TMEM132C: variants seen among roughly 807,000 people sequenced by gnomAD.
The protein encoded by TMEM132C is protein phosphatase 1, regulatory subunit 152.
TMEM132C carries 29 observed loss-of-function variants against 61.4 expected under a neutral mutation model. The ratio of observed to expected loss-of-function variants is 0.47; its 90% confidence interval spans 0.35 to 0.64. TMEM132C has a LOEUF of 0.64. Among genes scored for constraint, TMEM132C ranks in the 30% least tolerant of loss-of-function variants. The pLI is 0.00. For synonymous variants in TMEM132C, 656 were observed against 633.1 expected, an observed-to-expected ratio of 1.04 and a Z score of -0.54; for missense variants, 1,408 against 1,476.9, an observed-to-expected ratio of 0.95 and a Z score of 0.76.
At chr12:128,341,115 ATTT>A (rs577838903) in intron 1 of TMEM132C, among the ~76,000 whole-genome samples, 1 of 151,758 alleles carries the variant, frequency 6.6e-6, no homozygotes, top group African/African-American at 2.4e-5. Flanking sequence ...TAGTTTTTGT[ATTT>A]TTGGTAGAGA....
chr12:128,655,244 G>T (rs79725718), intron 4 of TMEM132C, among the ~76,000 whole-genome samples: 1 of 152,294 alleles, frequency 6.6e-6, no homozygotes, highest in East Asian at 1.9e-4. Flanking sequence ...GATGAGAGGA[G>T]TTGTTATACC....
chr12:128,660,889 C>G (rs1020336457), intron 4 of TMEM132C, among the ~76,000 whole-genome samples: 1 of 151,876 alleles, frequency 6.6e-6, no homozygotes, highest in Non-Finnish European at 1.5e-5. Context: ...ACCAGAGAAA[C>G]AAGATGAGGA....
At chr12:128,447,705 CTTTTTTTT>C (rs767506039) in intron 2 of TMEM132C, among the ~76,000 whole-genome samples, 2 of 58,630 alleles carry the variant, frequency 3.4e-5, no homozygotes, top group African/African-American at 8.4e-5. Context: ...ATTTCAAGTG[CTTTTTTTT>C]TTTTTTTTTT....
intron 1 of TMEM132C, among the ~76,000 whole-genome samples, chr12:128,341,894 TA>T (rs1157482551): frequency 1.3e-5 from 2 of 152,216 alleles, no homozygotes; most frequent in Non-Finnish European, 2.9e-5. Context: ...TTATTCCAAC[TA>T]ATATCTATAT....
intron 1 of TMEM132C, among the ~76,000 whole-genome samples, chr12:128,330,707 G>C (rs963615810): frequency 6.6e-6 from 1 of 152,106 alleles, no homozygotes. Flanking sequence ...TGGAATGCCT[G>C]TCATCACTTA....
chr12:128,703,767 G>C (rs554468624), intron 8 of TMEM132C, among the ~76,000 whole-genome samples: 1 of 152,288 alleles, frequency 6.6e-6, no homozygotes, highest in African/African-American at 2.4e-5. Flanking sequence ...ACCTCTCTTT[G>C]GGCAGGAAGC....
chr12:128,392,064 TTCTCTC>T (rs34334973), intron 1 of TMEM132C, among the ~76,000 whole-genome samples: 10,887 of 130,442 alleles, frequency 0.083, 458 homozygotes, highest in Middle Eastern at 0.13. Context: ...CTCTCTCTCT[TTCTCTC>T]TCTCTCTCTC....
At chr12:128,367,640 G>T (rs777310554) in intron 1 of TMEM132C, among the ~76,000 whole-genome samples, 13 of 152,020 alleles carry the variant, frequency 8.6e-5, no homozygotes, top group Non-Finnish European at 1.6e-4. Flanking sequence ...GTCCAGTGCA[G>T]TAGCCAAGTG....
intron 4 of TMEM132C, among the ~76,000 whole-genome samples, chr12:128,660,887 A>G (rs1954381547): frequency 6.6e-6 from 1 of 152,230 alleles, no homozygotes; most frequent in Non-Finnish European, 1.5e-5. Context: ...TCACCAGAGA[A>G]ACAAGATGAG....
chr12:128,580,614 C>T (rs1312852050), intron 3 of TMEM132C, among the ~76,000 whole-genome samples: 1 of 152,134 alleles, frequency 6.6e-6, no homozygotes, highest in African/African-American at 2.4e-5. Context: ...AAAATCAACA[C>T]ATTTTATCTA....
At chr12:128,573,093 C>T (rs561516566) in intron 3 of TMEM132C, among the ~76,000 whole-genome samples, 104 of 152,280 alleles carry the variant, frequency 6.8e-4, no homozygotes, top group Non-Finnish European at 1.1e-3. Flanking sequence ...CCAGCCATCC[C>T]ATTACTGGGT....
At chr12:128,682,335 C>A (rs1228919681) in intron 5 of TMEM132C, among the ~76,000 whole-genome samples, 1 of 152,336 alleles carries the variant, frequency 6.6e-6, no homozygotes, top group Non-Finnish European at 1.5e-5. Context: ...CCCAGCACCT[C>A]CTCTCCATTT....
At chr12:128,351,075 C>T (rs918086768) in intron 1 of TMEM132C, among the ~76,000 whole-genome samples, 17 of 152,186 alleles carry the variant, frequency 1.1e-4, no homozygotes, top group African/African-American at 3.9e-4. Flanking sequence ...AAATGAACTG[C>T]TCTCTTATTT....
chr12:128,429,707 G>A (rs1481669565), intron 2 of TMEM132C, among the ~76,000 whole-genome samples: 1 of 152,188 alleles, frequency 6.6e-6, no homozygotes, highest in East Asian at 1.9e-4. Context: ...AAAACAAGAA[G>A]AACAGGGCTT....
intron 1 of TMEM132C, 91 bp downstream of exon 1, chr12:128,267,578 G>A: frequency 9.7e-7 from 1 of 1,028,844 alleles, no homozygotes; most frequent in Non-Finnish European, 1.2e-6. Flanking sequence ...AGCGAGGGGT[G>A]CGGCGGGGGC....
intron 4 of TMEM132C, among the ~76,000 whole-genome samples, chr12:128,618,857 A>G (rs1190747485): frequency 6.6e-6 from 1 of 152,224 alleles, no homozygotes; most frequent in Non-Finnish European, 1.5e-5. Context: ...ACAGACTAAT[A>G]CATGCAGTAT....
chr12:128,295,824 G>T (rs1566046470), intron 1 of TMEM132C, among the ~76,000 whole-genome samples: 1 of 151,132 alleles, frequency 6.6e-6, no homozygotes, highest in Non-Finnish European at 1.5e-5. Flanking sequence ...GATCCTTGTA[G>T]AATATTGTAC....
intron 2 of TMEM132C, among the ~76,000 whole-genome samples, chr12:128,542,135 C>A (rs75697920): frequency 6.6e-6 from 1 of 152,052 alleles, no homozygotes; most frequent in African/African-American, 2.4e-5. Flanking sequence ...CTGGGGGGCT[C>A]TTTGGTAGAA....
chr12:128,424,412 A>G lies in TMEM132C; in HGVS notation c.974+8792A>G, dbSNP rs115689238. Among the ~76,000 whole-genome samples, 540 of 151,962 alleles carry G rather than the reference A, an allele frequency of 3.6e-3. 1 individual carries two copies. The highest frequency in any genetic ancestry group is 0.012 in the African/African-American group (503 of 41,380). On this transcript the variant is annotated intron_variant, in intron 2 of 8. Transcript: ENST00000435159. Reference sequence around the variant, plus strand: ...CATAAAAGGAATAAACCACTGGTACATGCTACAATATGGATGAACCTTAAA... The same window carrying G: ...CATAAAAGGAATAAACCACTGGTACGTGCTACAATATGGATGAACCTTAAA...
Sources: allele counts gnomAD v4.1 joint callset (sites outside exome capture counted in the v4.1 genomes callset), GRCh38; gene constraint gnomAD v4.1.1; transcripts MANE v1.5; gene names NCBI Gene and HGNC (gene_info 2026-07-23, HGNC 2026-07-21).